PVT1: variants seen among roughly 807,000 people sequenced by gnomAD.
The protein encoded by PVT1 is Pvt1 oncogene, also known as CXCR4/PVT1 fusion.
chr8:127,894,491 C>T (rs1815649037), intron 3 of PVT1, among the ~76,000 whole-genome samples: 1 of 152,226 alleles, frequency 6.6e-6, no homozygotes, highest in African/African-American at 2.4e-5. Flanking sequence ...CTGGTGTTTG[C>T]AGTCCCATCT....
chr8:127,983,960 C>T (rs1374668365), intron 3 of PVT1: 1 of 148,168 alleles, frequency 6.7e-6, no homozygotes, highest in South Asian at 2.1e-4. Context: ...GTCACTGCAA[C>T]CCCCACCTCC....
At chr8:127,899,507 C>T (rs1203233393) in intron 3 of PVT1, among the ~76,000 whole-genome samples, 1 of 152,230 alleles carries the variant, frequency 6.6e-6, no homozygotes, top group African/African-American at 2.4e-5. Context: ...CAGTCCTCGT[C>T]TTGTGCCCCT....
chr8:127,802,794 G>A (rs893824938), intron 2 of PVT1, among the ~76,000 whole-genome samples: 1 of 152,134 alleles, frequency 6.6e-6, no homozygotes, highest in Non-Finnish European at 1.5e-5. Flanking sequence ...TTCCAGTGTG[G>A]GAGGGAGGCA....
At chr8:127,829,630 G>A (rs1275021021) in intron 2 of PVT1, among the ~76,000 whole-genome samples, 2 of 152,178 alleles carry the variant, frequency 1.3e-5, no homozygotes, top group Non-Finnish European at 2.9e-5. Context: ...TGCCAGTGTG[G>A]CAGTATGAAC....
chr8:128,007,890 C>A (rs143389562), intron 4 of PVT1, among the ~76,000 whole-genome samples: 2 of 152,328 alleles, frequency 1.3e-5, no homozygotes, highest in African/African-American at 4.8e-5. Context: ...TACATCTGAT[C>A]CTTAACAAAG....
chr8:127,978,553 G>A (rs1381814823), intron 3 of PVT1, among the ~76,000 whole-genome samples: 1 of 151,530 alleles, frequency 6.6e-6, no homozygotes, highest in African/African-American at 2.4e-5. Context: ...GCACAATTTC[G>A]GCTCACTACA....
intron 4 of PVT1, among the ~76,000 whole-genome samples, chr8:128,015,688 G>A (rs1429883309): frequency 2.0e-5 from 3 of 149,786 alleles, no homozygotes; most frequent in South Asian, 2.1e-4. Context: ...CAGGAGAATC[G>A]CTTGAACCTG....
At chr8:128,003,021 C>T (rs36052975) in intron 4 of PVT1, among the ~76,000 whole-genome samples, 23,072 of 118,458 alleles carry the variant, frequency 0.19, 2,119 homozygotes, top group Admixed American at 0.36. Flanking sequence ...CTTTTTTTGA[C>T]GGAGTCCTGC....
rs1053044513 is a variant in PVT1, at chr8:128,028,199, C to T, written n.912+38908C>T. On this transcript the variant is annotated intron_variant and non_coding_transcript_variant, in intron 4 of 10. Coordinates refer to ENST00000651587, the Ensembl canonical transcript of PVT1. ...AGGCAGCCAACCAAGCTGGCCCGAGCGCGCAAGGCAGGGTGCTGGTGCCGG... is the reference window on the plus strand; with the variant it reads ...AGGCAGCCAACCAAGCTGGCCCGAGTGCGCAAGGCAGGGTGCTGGTGCCGG... Among the ~76,000 whole-genome samples, 9 of 152,276 alleles carry T rather than the reference C, an allele frequency of 5.9e-5. No individual in the cohort carries two copies. The South Asian group carries it at 1.4e-3, about 24-fold the overall frequency.
intron 2 of PVT1, among the ~76,000 whole-genome samples, chr8:127,846,980 C>CTTTTT (rs34437112): frequency 2.2e-3 from 139 of 62,366 alleles, no homozygotes; most frequent in African/African-American, 2.5e-3. Context: ...TGCACATGGC[C>CTTTTT]TTTTTTTTTT....
intron 4 of PVT1, among the ~76,000 whole-genome samples, chr8:128,064,080 C>T (rs1033704735): frequency 1.3e-5 from 2 of 152,166 alleles, no homozygotes; most frequent in African/African-American, 4.8e-5. Flanking sequence ...AAAGCTAGAA[C>T]TCATTGCCGC....
At chr8:127,929,784 T>C (rs1022488091) in intron 3 of PVT1, among the ~76,000 whole-genome samples, 1 of 148,402 alleles carries the variant, frequency 6.7e-6, no homozygotes, top group African/African-American at 2.5e-5. Context: ...AAAAAAGAAG[T>C]GTCAAGGTCA....
chr8:128,001,204 A>G (rs1586475577), intron 4 of PVT1, among the ~76,000 whole-genome samples: 1 of 152,118 alleles, frequency 6.6e-6, no homozygotes, highest in African/African-American at 2.4e-5. Flanking sequence ...CTGCTTGCCC[A>G]CAACCATGAC....
chr8:127,815,610 T>C (rs575970988), intron 2 of PVT1, among the ~76,000 whole-genome samples: 3 of 152,184 alleles, frequency 2.0e-5, no homozygotes, highest in Admixed American at 6.5e-5. Flanking sequence ...CACCCAGCTC[T>C]CTTGGGCATG....
chr8:127,974,958 T>A (rs1229735579), intron 3 of PVT1, among the ~76,000 whole-genome samples: 2 of 152,226 alleles, frequency 1.3e-5, no homozygotes, highest in African/African-American at 4.8e-5. Flanking sequence ...AAACATTTGA[T>A]GTACCCTAAA....
intron 2 of PVT1, among the ~76,000 whole-genome samples, chr8:127,882,760 G>A (rs138902498): frequency 0.013 from 1,924 of 152,292 alleles, 51 homozygotes; most frequent in African/African-American, 0.044. Flanking sequence ...TGGGATTACA[G>A]GCGTGAGCCA....
At chr8:127,982,981 A>G (rs1816901951) in intron 3 of PVT1, among the ~76,000 whole-genome samples, 1 of 152,192 alleles carries the variant, frequency 6.6e-6, no homozygotes, top group Non-Finnish European at 1.5e-5. Context: ...ATGGGAGTAC[A>G]CAGGGCAGGG....
intron 3 of PVT1, among the ~76,000 whole-genome samples, chr8:127,944,689 G>T: frequency 6.6e-6 from 1 of 152,196 alleles, no homozygotes; most frequent in East Asian, 1.9e-4. Flanking sequence ...GGAGGAGGAT[G>T]CCAGTGGGAA....
intron 3 of PVT1, among the ~76,000 whole-genome samples, chr8:127,917,516 TG>T (rs1816001521): frequency 6.6e-6 from 1 of 152,244 alleles, no homozygotes; most frequent in Admixed American, 6.5e-5. Context: ...ACCATATCAG[TG>T]ACCTCAAGAG....
Sources: gnomAD v4.1 joint callset for allele counts (sites outside exome capture counted in the v4.1 genomes callset) on GRCh38, gnomAD v4.1.1 for gene constraint, MANE v1.5 for transcripts, NCBI Gene and HGNC (gene_info 2026-07-23, HGNC 2026-07-21) for gene names.